NWD2: variants seen among roughly 807,000 people sequenced by gnomAD.
NWD2 encodes the protein NACHT and WD repeat domain-containing protein 2.
Under a neutral mutation model 132.7 loss-of-function variants are expected in NWD2, and 37 were observed. The ratio of observed to expected loss-of-function variants is 0.28; its 90% confidence interval spans 0.21 to 0.37. The LOEUF (loss-of-function observed/expected upper bound fraction) is 0.37. NWD2 is among the 10% of genes least tolerant of loss of function. NWD2 has a pLI of 1.00. For synonymous variants in NWD2, 705 were observed against 803.0 expected (o/e 0.88, Z 2.06); for missense variants, 1,592 against 2,122.4 (o/e 0.75, Z 4.91).
chr4:37,340,101 G>A (rs1274695096), intron 2 of NWD2, among the ~76,000 whole-genome samples: 1 of 64,508 alleles, frequency 1.6e-5, no homozygotes, highest in Admixed American at 2.1e-4. Context: ...ATTAGATATA[G>A]TCCCTTGAAA....
intron 1 of NWD2, among the ~76,000 whole-genome samples, chr4:37,317,253 G>A (rs1028902811): frequency 2.0e-5 from 3 of 152,186 alleles, no homozygotes; most frequent in Non-Finnish European, 4.4e-5. Flanking sequence ...AAGTCAGCCA[G>A]GAATGTGTAA....
At chr4:37,409,335 AAC>A (rs1361323196) in intron 3 of NWD2, among the ~76,000 whole-genome samples, 3 of 151,966 alleles carry the variant, frequency 2.0e-5, no homozygotes, top group Non-Finnish European at 4.4e-5. Flanking sequence ...GGATCTGAAA[AAC>A]ACAGCACAAG....
chr4:37,368,523 C>T (rs749179797), intron 3 of NWD2, among the ~76,000 whole-genome samples: 9 of 152,192 alleles, frequency 5.9e-5, no homozygotes, highest in Admixed American at 1.3e-4. Context: ...AAGAGGTGTG[C>T]GTGCGGCTAA....
At chr4:37,304,097 T>C (rs1210355874) in intron 1 of NWD2, among the ~76,000 whole-genome samples, 1 of 152,162 alleles carries the variant, frequency 6.6e-6, no homozygotes, top group Non-Finnish European at 1.5e-5. Flanking sequence ...CTGTAGGCTG[T>C]ACAGGAGGCA....
chr4:37,448,634 G>GT lies in NWD2; in HGVS notation c.*1418dup, dbSNP rs1303617016. On this transcript the variant is annotated 3_prime_UTR_variant, in exon 7 of 7. Transcript: ENST00000309447. ...TTTAGTTTTCTTAGAAAGTAGAGAA[G>GT]TAACACTTTACTAGAATAATGAACA... 1.3e-5 allele frequency: 2 copies of GT among 152,174 alleles called. No individual in the cohort carries two copies. The highest frequency in any genetic ancestry group is 3.9e-4 in the East Asian group (2 of 5,182). 9.4% of individuals were successfully genotyped at this position (152,174 alleles called of 1,614,324 possible). A position where few individuals can be genotyped will look rare whatever the true frequency, so the allele number is the denominator to read the frequency against.
At chr4:37,343,558 CT>C (rs1215178407) in intron 2 of NWD2, among the ~76,000 whole-genome samples, 2 of 152,156 alleles carry the variant, frequency 1.3e-5, no homozygotes, top group African/African-American at 4.8e-5. Flanking sequence ...AATGTGTAGC[CT>C]TCCATTGTAA....
intron 1 of NWD2, among the ~76,000 whole-genome samples, chr4:37,299,577 T>C (rs1213301091): frequency 1.3e-5 from 2 of 152,162 alleles, no homozygotes; most frequent in Non-Finnish European, 2.9e-5. Context: ...CTGTCGAAAA[T>C]GCAAGTTCCT....
chr4:37,366,904 C>T (rs1345573436), intron 3 of NWD2, among the ~76,000 whole-genome samples: 1 of 152,162 alleles, frequency 6.6e-6, no homozygotes, highest in East Asian at 1.9e-4. Flanking sequence ...TTACAAACAT[C>T]TTTCGGTATC....
intron 2 of NWD2, among the ~76,000 whole-genome samples, chr4:37,333,147 C>T (rs1719329088): frequency 1.3e-5 from 2 of 152,118 alleles, no homozygotes; most frequent in South Asian, 4.1e-4. Context: ...TCTGAACCTG[C>T]CAGGGCTGAG....
chr4:37,415,110 A>C (rs1711552321), intron 3 of NWD2, among the ~76,000 whole-genome samples: 1 of 152,210 alleles, frequency 6.6e-6, no homozygotes, highest in Non-Finnish European at 1.5e-5. Context: ...TTCTATTGAA[A>C]TTTGTTTTAA....
chr4:37,323,328 T>G (rs957073087), intron 1 of NWD2, among the ~76,000 whole-genome samples: 4 of 152,148 alleles, frequency 2.6e-5, no homozygotes, highest in Admixed American at 2.6e-4. Context: ...ATCCAGAATC[T>G]ATAAGAAACT....
At chr4:37,338,657 T>A (rs1009563710) in intron 2 of NWD2, among the ~76,000 whole-genome samples, 4 of 152,230 alleles carry the variant, frequency 2.6e-5, no homozygotes, top group African/African-American at 9.6e-5. Flanking sequence ...GTGGGTCTTA[T>A]ATTAGCGTGG....
At chr4:37,368,368 G>C (rs943171237) in intron 3 of NWD2, among the ~76,000 whole-genome samples, 2 of 152,112 alleles carry the variant, frequency 1.3e-5, no homozygotes, top group Non-Finnish European at 2.9e-5. Context: ...AATGCTTCTA[G>C]GAATGTGTAT....
In NWD2 at chr4:37,296,241, G is replaced by A. The variant is rs566905226; in HGVS notation, c.152-29695G>A. Among the ~76,000 whole-genome samples the A allele has an allele frequency of 1.4e-4, 21 of 152,264 alleles. No individual in the cohort carries two copies. In the Middle Eastern group the frequency reaches 0.014, roughly 99 times the overall value. On this transcript the variant is annotated intron_variant, in intron 1 of 6. Transcript: ENST00000309447. ...GGGGTGCCTTCGGGAGAAAATACAC[G>A]TGCTAGATAAGCTGCATTCAGGCAT...
intron 1 of NWD2, among the ~76,000 whole-genome samples, chr4:37,318,857 A>G (rs1222380732): frequency 1.3e-5 from 2 of 152,082 alleles, no homozygotes; most frequent in African/African-American, 2.4e-5. Flanking sequence ...TATGTACCAC[A>G]TTTTCTCTAT....
chr4:37,311,355 G>T (rs1718837688), intron 1 of NWD2, among the ~76,000 whole-genome samples: 1 of 151,944 alleles, frequency 6.6e-6, no homozygotes, highest in African/African-American at 2.4e-5. Flanking sequence ...TTCTCATTGT[G>T]GTTTTGATTT....
chr4:37,393,197 G>GGA (rs943691500), intron 3 of NWD2, among the ~76,000 whole-genome samples: 5 of 270 alleles, frequency 0.019, no homozygotes, highest in South Asian at 0.25. Context: ...TCCGGGGGTT[G>GGA]GGGGGAGACT....
intron 3 of NWD2, among the ~76,000 whole-genome samples, chr4:37,361,129 A>C (rs1306912631): frequency 6.6e-6 from 1 of 152,200 alleles, no homozygotes; most frequent in Non-Finnish European, 1.5e-5. Flanking sequence ...TTGAACAAGG[A>C]AGAAACTGAA....
At chr4:37,386,749 C>T (rs1577686489) in intron 3 of NWD2, among the ~76,000 whole-genome samples, 1 of 152,226 alleles carries the variant, frequency 6.6e-6, no homozygotes, top group East Asian at 1.9e-4. Context: ...AAGGTGGGAC[C>T]TAGTGGGAGG....
Sources: allele counts gnomAD v4.1 joint callset (sites outside exome capture counted in the v4.1 genomes callset), GRCh38; gene constraint gnomAD v4.1.1; transcripts MANE v1.5; gene names NCBI Gene and HGNC (gene_info 2026-07-23, HGNC 2026-07-21).